The following PTPN14 variants were observed in gnomAD, a reference collection of about 807,000 sequenced individuals.
The protein encoded by PTPN14 is tyrosine-protein phosphatase non-receptor type 14.
PTPN14 carries 53 observed loss-of-function variants against 126.8 expected under a neutral mutation model. The ratio of observed to expected loss-of-function variants is 0.42; its 90% CI spans 0.34 to 0.53. The LOEUF (loss-of-function observed/expected upper bound fraction) is 0.53. Among genes scored for constraint, PTPN14 ranks in the 20% least tolerant of loss-of-function variants. The pLI, the probability that PTPN14 is intolerant of heterozygous loss-of-function variation, is 0.08. For missense variants in PTPN14, 1,257 were observed against 1,552.9 expected (o/e 0.81, Z 3.20); for synonymous variants, 630 against 599.3 (o/e 1.05, Z -0.75).
At chr1:214,520,065 A>AAAAAAATATATATAT in intron 1 of PTPN14, among the ~76,000 whole-genome samples, 88 of 71,072 alleles carry the variant, frequency 1.2e-3, no homozygotes, top group African/African-American at 6.0e-3. Context: ...AAAAAAAAAA[A>AAAAAAATATATATAT]ATATATATAT....
intron 2 of PTPN14, 129 bp downstream of exon 2, chr1:214,464,501 A>C (rs1660582680): frequency 8.2e-7 from 1 of 1,225,442 alleles, no homozygotes; most frequent in African/African-American, 1.5e-5. Context: ...TCTTATAAAC[A>C]CATCGTCGCT....
At position 214,384,066 on chromosome 1, in the gene PTPN14, G is replaced by T; in HGVS notation, c.1789C>A (p.Leu597Met). The T allele has an allele frequency of 1.3e-6, 2 of 1,580,410 alleles. No homozygotes were observed. The highest frequency in any genetic ancestry group is 1.7e-6 in the Non-Finnish European group (2 of 1,165,856). Residue 597 changes from leucine to methionine, a missense_variant, in exon 13 of 19, where the codon CTG (leucine) becomes ATG (methionine). Physicochemically the swap from Leu to Met is conservative, Grantham distance 15. Transcript: ENST00000366956. The surrounding 1 kb of genome is among the most constrained non-coding windows in gnomAD (Gnocchi z 5.3). ...HKYVSGSSPDLVTRKVQLSVK... is the reference protein window; with the variant it reads ...HKYVSGSSPDMVTRKVQLSVK... ...GAGAGCTGCACCTTCCGGGTCACCA[G>T]GTCCGGGCTGCTGCCGCTGACGTAC...
At chr1:214,533,395 A>G (rs552773683) in intron 1 of PTPN14, 225 of 435,282 alleles carry the variant, frequency 5.2e-4, no homozygotes, top group African/African-American at 4.2e-3. Context: ...CAAACCATTC[A>G]AAAGACCACC....
intron 5 of PTPN14, among the ~76,000 whole-genome samples, chr1:214,411,347 T>A (rs2102580388): frequency 6.6e-6 from 1 of 152,300 alleles, no homozygotes; most frequent in Non-Finnish European, 1.5e-5. Context: ...GACATGATCT[T>A]ATATGTAGAA....
intron 13 of PTPN14, among the ~76,000 whole-genome samples, chr1:214,378,881 C>CA (rs1658408008): frequency 6.6e-6 from 1 of 151,476 alleles, no homozygotes; most frequent in African/African-American, 2.5e-5. Context: ...CGGAACTGAG[C>CA]AGACCACTTA....
intron 3 of PTPN14, among the ~76,000 whole-genome samples, chr1:214,425,474 A>G (rs774124301): frequency 7.9e-5 from 12 of 152,182 alleles, no homozygotes; most frequent in Non-Finnish European, 1.3e-4. Flanking sequence ...CAACTTAATT[A>G]TGTGCATCTA....
At position 214,378,057 on chromosome 1, in the gene PTPN14, G is replaced by T; in HGVS notation, c.2590C>A (p.Pro864Thr). 1.2e-6 allele frequency: 2 copies of T among 1,612,174 alleles called. No individual in the cohort carries two copies. Among genetic ancestry groups the T allele is most frequent in the Non-Finnish European group, 1.7e-6 (2 of 1,179,878 alleles). The change falls in exon 14 of 19, where the codon CCG (proline) becomes ACG (threonine). Residue 864 changes from proline (P) to threonine (T), a missense_variant. Pro to Thr is a conservative substitution (Grantham distance 38). Coordinates refer to ENST00000366956, the MANE Select transcript of PTPN14 (RefSeq NM_005401.5). ...KMAGLEAQKRPLMLAALNGLS... is the reference protein window; with the variant it reads ...KMAGLEAQKRTLMLAALNGLS... ...CCATTCAATGCTGCCAACATCAGCG[G>T]CCTCTTCTGTGCCTCCAGGCCTGCC... is the stretch of plus-strand genomic sequence containing the variant.
chr1:214,452,081 C>G (rs530079495), intron 2 of PTPN14, 107 bp from the exon 3 acceptor site: 7 of 1,273,582 alleles, frequency 5.5e-6, no homozygotes, highest in Non-Finnish European at 7.6e-6. Flanking sequence ...GGTTCCCCAG[C>G]CCATATATAA....
chr1:214,482,406 T>G (rs1329603792), intron 1 of PTPN14, among the ~76,000 whole-genome samples: 1 of 152,264 alleles, frequency 6.6e-6, no homozygotes, highest in East Asian at 1.9e-4. Context: ...AAATAACAAT[T>G]GTGTGACAAA....
At chr1:214,497,913 C>T (rs6540842) in intron 1 of PTPN14, among the ~76,000 whole-genome samples, 52,823 of 151,352 alleles carry the variant, frequency 0.35, 13,059 homozygotes, top group African/African-American at 0.69. Context: ...GAAACACACA[C>T]GAGAGAGAGA....
intron 1 of PTPN14, among the ~76,000 whole-genome samples, chr1:214,496,910 T>C (rs910246162): frequency 6.6e-6 from 1 of 152,022 alleles, no homozygotes; most frequent in Non-Finnish European, 1.5e-5. Context: ...GCTCAGTCTT[T>C]GTAAGAAAAC....
intron 1 of PTPN14, among the ~76,000 whole-genome samples, chr1:214,547,711 T>C (rs549969031): frequency 9.6e-4 from 146 of 152,180 alleles, no homozygotes; most frequent in Non-Finnish European, 1.7e-3. Context: ...AATACAAGGA[T>C]CCTTATATAA....
At chr1:214,410,259 G>A (rs928136074) in intron 5 of PTPN14, among the ~76,000 whole-genome samples, 1 of 145,650 alleles carries the variant, frequency 6.9e-6, no homozygotes, top group African/African-American at 2.5e-5. Context: ...TTCTTCTAGT[G>A]TTTTATACTT....
chr1:214,362,350 G>T (rs1657975636), intron 18 of PTPN14, among the ~76,000 whole-genome samples: 1 of 152,218 alleles, frequency 6.6e-6, no homozygotes, highest in Admixed American at 6.5e-5. Context: ...GGGAACAGAA[G>T]TTCTTTTTGG....
chr1:214,451,368 A>G (rs554600509), intron 3 of PTPN14, among the ~76,000 whole-genome samples: 1 of 151,904 alleles, frequency 6.6e-6, no homozygotes, highest in Non-Finnish European at 1.5e-5. Context: ...GGGTCTTGCT[A>G]TGCTGCCCAG....
intron 13 of PTPN14, among the ~76,000 whole-genome samples, chr1:214,381,656 T>C (rs576400267): frequency 1.2e-4 from 18 of 152,360 alleles, no homozygotes; most frequent in African/African-American, 4.3e-4. Flanking sequence ...CTTAAAACTT[T>C]GGGCCTTGAT....
At chr1:214,455,407 CT>C (rs1447432148) in intron 2 of PTPN14, among the ~76,000 whole-genome samples, 1 of 152,156 alleles carries the variant, frequency 6.6e-6, no homozygotes, top group Admixed American at 6.5e-5. Flanking sequence ...GAGTAAATGC[CT>C]GAAATATCTG....
intron 3 of PTPN14, among the ~76,000 whole-genome samples, chr1:214,431,596 G>A (rs1659798315): frequency 6.6e-6 from 1 of 152,276 alleles, no homozygotes; most frequent in South Asian, 2.1e-4. Flanking sequence ...TAAATTGGGG[G>A]CACAGCGGAC....
chr1:214,398,587 C>A (rs978839869), intron 7 of PTPN14, among the ~76,000 whole-genome samples: 53 of 146,374 alleles, frequency 3.6e-4, no homozygotes, highest in African/African-American at 1.3e-3. Flanking sequence ...GCTGGGACTA[C>A]AAGCATGCAC....
Sources: allele counts gnomAD v4.1 joint callset (sites outside exome capture counted in the v4.1 genomes callset), GRCh38; gene constraint gnomAD v4.1.1; non-coding constraint Gnocchi (gnomAD v3.1); transcripts MANE v1.5; gene names NCBI Gene and HGNC (gene_info 2026-07-23, HGNC 2026-07-21).